The following ZFHX3 variants were observed in gnomAD, a reference collection of about 807,000 sequenced individuals.
The protein encoded by ZFHX3 is zinc finger homeobox protein 3.
In ZFHX3, 42 loss-of-function variants were observed where a neutral mutation model predicts 279.1. The observed-to-expected ratio is 0.15, with a 90% CI of 0.12 to 0.19. The LOEUF (loss-of-function observed/expected upper bound fraction) is 0.19. ZFHX3 is among the 10% of genes least tolerant of loss of function. The probability of loss-of-function intolerance (pLI) is 1.00; values close to 1 mark genes in which losing one functional copy is unlikely to be tolerated. For synonymous variants in ZFHX3, 2,293 were observed against 1,957.8 expected (o/e 1.17, Z -4.52); for missense variants, 4,981 against 4,754.0 (o/e 1.05, Z -1.40).
intron 4 of ZFHX3, among the ~76,000 whole-genome samples, chr16:72,868,244 T>G (rs1246971227): frequency 6.6e-6 from 1 of 152,222 alleles, no homozygotes; most frequent in African/African-American, 2.4e-5. Flanking sequence ...GTGGTTTTGA[T>G]GATAACATCA....
At chr16:73,455,388 C>T (rs779607795) in intron 3 of ZFHX3, among the ~76,000 whole-genome samples, 4 of 152,052 alleles carry the variant, frequency 2.6e-5, no homozygotes, top group Non-Finnish European at 5.9e-5. Flanking sequence ...AAAATAAAGA[C>T]CCAGGGGGCT....
chr16:73,056,637 G>T (rs1965562863), intron 1 of ZFHX3, among the ~76,000 whole-genome samples: 1 of 152,192 alleles, frequency 6.6e-6, no homozygotes, highest in African/African-American at 2.4e-5. Context: ...CGGAGGGCAG[G>T]GCAGTAAATT....
intron 2 of ZFHX3, among the ~76,000 whole-genome samples, chr16:73,626,792 T>C (rs1350599829): frequency 6.6e-6 from 1 of 152,214 alleles, no homozygotes; most frequent in Non-Finnish European, 1.5e-5. Flanking sequence ...GCAACTCATA[T>C]CTGGGGCTCT....
intron 3 of ZFHX3, among the ~76,000 whole-genome samples, chr16:73,338,599 T>G (rs963303): frequency 0.13 from 20,055 of 151,990 alleles, 2,747 homozygotes; most frequent in East Asian, 0.37. Flanking sequence ...TCATGCAAAC[T>G]TGCCAATATA....
intron 1 of ZFHX3, among the ~76,000 whole-genome samples, chr16:73,057,146 A>G (rs1351252080): frequency 6.6e-6 from 1 of 152,204 alleles, no homozygotes; most frequent in Non-Finnish European, 1.5e-5. Context: ...AAAAATTGTC[A>G]TATTTACCCT....
chr16:72,935,115 T>A (rs1960047703), intron 3 of ZFHX3, among the ~76,000 whole-genome samples: 1 of 152,236 alleles, frequency 6.6e-6, no homozygotes, highest in African/African-American at 2.4e-5. Flanking sequence ...AATGCATTTC[T>A]TTTTAGATTA....
Position 72,890,099 on chromosome 16 carries a change from T to C in ZFHX3, c.3217-137A>G, listed in dbSNP as rs117692587. The C allele has an allele frequency of 6.8e-3, 5,024 of 740,572 alleles. 37 individuals are homozygous for C. The highest frequency in any genetic ancestry group is 0.017 in the South Asian group (897 of 53,832). 45.9% of individuals were successfully genotyped at this position (740,572 alleles called of 1,614,324 possible). On this transcript the variant is annotated intron_variant, in intron 3 of 9. Coordinates refer to ENST00000268489, the MANE Select transcript of ZFHX3 (RefSeq NM_006885.4). ...TCTCCACAGCCAAACAGGACAGTCTTTGATATGGTTTGGCTGTGTCCCCGC... is the reference window on the plus strand; with the variant it reads ...TCTCCACAGCCAAACAGGACAGTCTCTGATATGGTTTGGCTGTGTCCCCGC...
At chr16:73,662,068 G>C (rs555460556) in intron 2 of ZFHX3, among the ~76,000 whole-genome samples, 1 of 149,078 alleles carries the variant, frequency 6.7e-6, no homozygotes, top group Non-Finnish European at 1.5e-5. Context: ...AAGCCAGGCT[G>C]TACTTGATAA....
chr16:72,867,889 G>A (rs891945403), intron 4 of ZFHX3, among the ~76,000 whole-genome samples: 1 of 152,156 alleles, frequency 6.6e-6, no homozygotes, highest in African/African-American at 2.4e-5. Context: ...TGTTTGTGGA[G>A]GCCAAAAATG....
chr16:73,487,397 G>T (rs776384883), intron 2 of ZFHX3: 1 of 424,810 alleles, frequency 2.4e-6, no homozygotes, highest in South Asian at 1.7e-5. Context: ...ACACCTCTCT[G>T]TATCTATGTG....
At chr16:72,819,952 A>G (rs1313296663) in intron 5 of ZFHX3, among the ~76,000 whole-genome samples, 1 of 152,190 alleles carries the variant, frequency 6.6e-6, no homozygotes, top group African/African-American at 2.4e-5. Context: ...AAGAGGGCAA[A>G]TACCTGTGGG....
Position 72,793,598 on chromosome 16 carries a change from C to T in ZFHX3, c.9084G>A (p.Leu3028=), listed in dbSNP as rs1224509225. The change falls in exon 9 of 10, where the codon TTG becomes TTA. Residue 3028 remains leucine (L), a synonymous_variant. Coordinates refer to ENST00000268489, the MANE Select transcript of ZFHX3 (RefSeq NM_006885.4). This position sits in a 1 kb window ranked among gnomAD's most constrained non-coding sequence, Gnocchi z 4.3. The stretch of plus-strand genomic sequence containing the variant: ...GCCGAGCGCTGTACTTGATGCCACA[C>T]AAAGTGCACTCTGTTTTGGGTCCCT... ...SYEGPKTECT[L]CGIKYSARLS... 2 of 1,614,232 alleles carry T rather than the reference C, an allele frequency of 1.2e-6. No individual in the cohort carries two copies. The highest frequency in any genetic ancestry group is 1.6e-4 in the Middle Eastern group (1 of 6,062).
upstream of ZFHX3, among the ~76,000 whole-genome samples, chr16:73,052,593 G>A (rs1016045282): frequency 2.0e-5 from 3 of 152,130 alleles, no homozygotes; most frequent in African/African-American, 7.2e-5. Flanking sequence ...TTAGAATTTG[G>A]ATTTCTATTG....
In ZFHX3 at chr16:72,960,022, A is replaced by G. The variant is rs2144459309; in HGVS notation, c.124T>C (p.Ser42Pro). 9.3e-6 allele frequency: 15 copies of G among 1,613,918 alleles called. No homozygotes were observed. Among genetic ancestry groups the G allele is most frequent in the Non-Finnish European group, 1.3e-5 (15 of 1,179,894 alleles). ...LPDKPSSMEQSTGESHGPLDS... is the reference protein window; with the variant it reads ...LPDKPSSMEQPTGESHGPLDS... ...AAGGGCCCGTGGCTCTCGCCTGTGG[A>G]CTGCTCCATGCTACTGGGTTTGTCA... Residue 42 changes from serine (S) to proline (P), a missense_variant, in exon 2 of 10, where the codon TCC (serine) becomes CCC (proline). This residue lies in a region of ZFHX3 where 1,068 missense variants were observed against 935.2 expected (regional missense o/e 1.14). Transcript: ENST00000268489.
At chr16:73,877,771 A>T (rs2030001421) in intron 1 of ZFHX3, among the ~76,000 whole-genome samples, 1 of 152,140 alleles carries the variant, frequency 6.6e-6, no homozygotes, top group South Asian at 2.1e-4. Flanking sequence ...AAATATTTTT[A>T]AAAAGAGAAC....
chr16:73,146,359 C>T (rs1190966366), intron 5 of ZFHX3, among the ~76,000 whole-genome samples: 3 of 151,462 alleles, frequency 2.0e-5, no homozygotes, highest in Non-Finnish European at 4.4e-5. Context: ...ACCCGGGAGG[C>T]GGAGGTTGCA....
intron 2 of ZFHX3, among the ~76,000 whole-genome samples, chr16:73,644,497 C>T (rs949902298): frequency 2.0e-5 from 3 of 151,978 alleles, no homozygotes; most frequent in Non-Finnish European, 4.4e-5. Context: ...CCCATCTCTA[C>T]TAAAAGGGCA....
chr16:73,106,835 G>A (rs576470110), intron 7 of ZFHX3, among the ~76,000 whole-genome samples: 4 of 152,190 alleles, frequency 2.6e-5, no homozygotes, highest in South Asian at 4.1e-4. Context: ...GGGTGTCCTC[G>A]TGTGACAGTT....
rs140654284 is a variant in ZFHX3 at position 73,247,455 on chromosome 16, T to C, written c.-1104+9592A>G. 9.5e-3 allele frequency among the ~76,000 whole-genome samples: 1,447 copies of C among 152,018 alleles called. 15 individuals are homozygous for C. Among genetic ancestry groups the C allele is most frequent in the African/African-American group, 0.033 (1,350 of 41,404 alleles). On this transcript the variant is annotated intron_variant, in intron 5 of 17. Coordinates refer to the ZFHX3 transcript ENST00000641206. ...TGCCTGTATGCGGAGTGTATGAGTGTGTATATACTGCGTATATGATGTGTC... is the reference window on the plus strand; with the variant it reads ...TGCCTGTATGCGGAGTGTATGAGTGCGTATATACTGCGTATATGATGTGTC...
Sources: gnomAD v4.1 joint callset for allele counts (sites outside exome capture counted in the v4.1 genomes callset) on GRCh38, gnomAD v4.1.1 for gene constraint, gnomAD v4.1.1 regional missense constraint, Gnocchi (gnomAD v3.1) non-coding constraint, MANE v1.5 for transcripts, NCBI Gene and HGNC (gene_info 2026-07-23, HGNC 2026-07-21) for gene names.